PCDH15: variants seen among roughly 807,000 people sequenced by gnomAD.
The protein encoded by PCDH15 is protocadherin-15.
Under a neutral mutation model 178.5 loss-of-function variants are expected in PCDH15, and 129 were observed. The ratio of observed to expected loss-of-function variants is 0.72; its 90% CI spans 0.63 to 0.84. PCDH15 has a LOEUF of 0.84. Ranked by LOEUF, PCDH15 falls within the 40% of genes least tolerant of loss-of-function variation. The probability of loss-of-function intolerance (pLI) is 0.00; values close to 1 mark genes in which losing one functional copy is unlikely to be tolerated. For missense variants in PCDH15, 2,230 were observed against 2,099.9 expected, an observed-to-expected ratio of 1.06 and a Z score of -1.21; for synonymous variants, 800 against 732.0, an observed-to-expected ratio of 1.09 and a Z score of -1.50.
chr10:55,319,563 G>C (rs1843830423), intron 1 of PCDH15: 1 of 152,224 alleles, frequency 6.6e-6, no homozygotes, highest in Non-Finnish European at 1.5e-5. Flanking sequence ...GTGGGGGATG[G>C]AGGGAGGACA....
chr10:54,573,845 C>T (rs1189013756), intron 2 of PCDH15, among the ~76,000 whole-genome samples: 2 of 151,990 alleles, frequency 1.3e-5, no homozygotes, highest in Non-Finnish European at 2.9e-5. Flanking sequence ...TGTAGCAGTC[C>T]CTGCACCTTA....
intron 1 of PCDH15, among the ~76,000 whole-genome samples, chr10:54,696,578 C>T (rs2095228394): frequency 6.6e-6 from 1 of 151,886 alleles, no homozygotes; most frequent in African/African-American, 2.4e-5. Flanking sequence ...GCACTGAAAT[C>T]TATGGGGAAA....
chr10:55,164,666 G>T (rs1459058333), intron 2 of PCDH15, among the ~76,000 whole-genome samples: 2 of 151,984 alleles, frequency 1.3e-5, no homozygotes, highest in East Asian at 1.9e-4. Flanking sequence ...GAGAGAAACA[G>T]ATTTTCTTTG....
At chr10:54,470,461 G>A (rs2077832243) in intron 3 of PCDH15, among the ~76,000 whole-genome samples, 1 of 152,110 alleles carries the variant, frequency 6.6e-6, no homozygotes, top group African/African-American at 2.4e-5. Flanking sequence ...TCTAGGGCAG[G>A]ATGCAAACTG....
At chr10:54,830,328 C>A (rs957324658) in intron 3 of PCDH15, among the ~76,000 whole-genome samples, 1 of 152,030 alleles carries the variant, frequency 6.6e-6, no homozygotes, top group African/African-American at 2.4e-5. Context: ...AGACTTGGAA[C>A]CAACCCAAAT....
chr10:54,434,597 T>C (rs2075259524), intron 3 of PCDH15, among the ~76,000 whole-genome samples: 1 of 152,168 alleles, frequency 6.6e-6, no homozygotes, highest in African/African-American at 2.4e-5. Flanking sequence ...CTATAACATC[T>C]AGGTTTGTGT....
intron 3 of PCDH15, among the ~76,000 whole-genome samples, chr10:54,513,254 T>C (rs914445735): frequency 1.4e-5 from 2 of 145,998 alleles, no homozygotes; most frequent in African/African-American, 4.9e-5. Context: ...TATTTATTTA[T>C]TTATTTATTT....
chr10:55,315,506 T>C (rs1843701977), intron 1 of PCDH15, among the ~76,000 whole-genome samples: 1 of 152,158 alleles, frequency 6.6e-6, no homozygotes, highest in Non-Finnish European at 1.5e-5. Flanking sequence ...TCTCAGTCTC[T>C]CAAATCAGTC....
chr10:54,650,090 G>A (rs2094220653), intron 2 of PCDH15, among the ~76,000 whole-genome samples: 1 of 152,076 alleles, frequency 6.6e-6, no homozygotes, highest in African/African-American at 2.4e-5. Context: ...TATTATAAAG[G>A]GAAAGATGGA....
At chr10:53,811,907 G>C (rs2075877477) in intron 35 of PCDH15, among the ~76,000 whole-genome samples, 1 of 152,144 alleles carries the variant, frequency 6.6e-6, no homozygotes, top group Admixed American at 6.5e-5. Flanking sequence ...AAAACTTGCA[G>C]ATGAGCATTT....
intron 28 of PCDH15, among the ~76,000 whole-genome samples, chr10:53,847,937 A>T (rs1283071639): frequency 2.0e-5 from 3 of 152,078 alleles, no homozygotes; most frequent in African/African-American, 7.2e-5. Context: ...TTAGCCTTTA[A>T]TATTTATTAG....
intron 26 of PCDH15, among the ~76,000 whole-genome samples, chr10:53,889,028 A>C (rs2133451206): frequency 7.2e-6 from 1 of 138,930 alleles, no homozygotes; most frequent in East Asian, 2.0e-4. Context: ...ATGGGAAATA[A>C]AAAAAAAAAA....
chr10:54,883,940 G>A (rs1005393182), intron 3 of PCDH15, among the ~76,000 whole-genome samples: 4 of 151,880 alleles, frequency 2.6e-5, no homozygotes, highest in African/African-American at 7.2e-5. Context: ...TTATTGGTGG[G>A]AAATTATTTT....
At chr10:54,419,968 G>A (rs1338382234) in intron 3 of PCDH15, among the ~76,000 whole-genome samples, 2 of 151,990 alleles carry the variant, frequency 1.3e-5, no homozygotes, top group Non-Finnish European at 2.9e-5. Flanking sequence ...CTTTGCAACT[G>A]TTTATCTTAG....
chr10:55,505,691 A>G (rs1195557534), intron 2 of PCDH15, among the ~76,000 whole-genome samples: 1 of 151,500 alleles, frequency 6.6e-6, no homozygotes, highest in Non-Finnish European at 1.5e-5. Context: ...GCAATGTTGT[A>G]AGAGATGCTA....
At chr10:54,989,738 G>T (rs1020318170) in intron 2 of PCDH15, among the ~76,000 whole-genome samples, 1 of 152,136 alleles carries the variant, frequency 6.6e-6, no homozygotes, top group African/African-American at 2.4e-5. Context: ...TAACTTTGGG[G>T]GAATGTTGGG....
chr10:54,420,233 A>C (rs1284941480), intron 3 of PCDH15, among the ~76,000 whole-genome samples: 1 of 152,076 alleles, frequency 6.6e-6, no homozygotes, highest in Non-Finnish European at 1.5e-5. Context: ...AAGAATGAAA[A>C]ACCGGAAAAA....
intron 1 of PCDH15, among the ~76,000 whole-genome samples, chr10:55,281,721 T>C (rs1842739017): frequency 6.6e-6 from 1 of 152,168 alleles, no homozygotes; most frequent in Non-Finnish European, 1.5e-5. Flanking sequence ...AAAACTTAAA[T>C]TCTTCAAAGA....
At chr10:54,647,784 C>T (rs2094162603) in intron 2 of PCDH15, among the ~76,000 whole-genome samples, 1 of 152,018 alleles carries the variant, frequency 6.6e-6, no homozygotes, top group Non-Finnish European at 1.5e-5. Context: ...TCTGGCTCAC[C>T]CCAGAAAATG....
Sources: gnomAD v4.1 joint callset for allele counts (sites outside exome capture counted in the v4.1 genomes callset) on GRCh38, gnomAD v4.1.1 for gene constraint, MANE v1.5 for transcripts, NCBI Gene and HGNC (gene_info 2026-07-23, HGNC 2026-07-21) for gene names.